Variants in TENM2 observed in about 807,000 individuals in gnomAD.
TENM2 encodes the protein teneurin-2.
Under a neutral mutation model 245.2 loss-of-function variants are expected in TENM2, and 52 were observed. That is an observed-to-expected ratio of 0.21 (90% confidence interval 0.17 to 0.27). The LOEUF (loss-of-function observed/expected upper bound fraction) is 0.27. Ranked by LOEUF, TENM2 falls within the 10% of genes least tolerant of loss-of-function variation. The probability of loss-of-function intolerance (pLI) is 1.00; values close to 1 mark genes in which losing one functional copy is unlikely to be tolerated. For synonymous variants in TENM2, 1,363 were observed against 1,438.9 expected (o/e 0.95, Z 1.19); for missense variants, 3,046 against 3,666.8 (o/e 0.83, Z 4.37).
At chr5:167,873,597 T>C (rs137932383) in intron 2 of TENM2, among the ~76,000 whole-genome samples, 1 of 152,328 alleles carries the variant, frequency 6.6e-6, no homozygotes, top group Non-Finnish European at 1.5e-5. Flanking sequence ...TTAAATTAGA[T>C]AATACATATA....
chr5:167,836,980 C>T (rs768654502), intron 2 of TENM2, among the ~76,000 whole-genome samples: 1 of 151,602 alleles, frequency 6.6e-6, no homozygotes, highest in Non-Finnish European at 1.5e-5. Context: ...TGTCATTTTC[C>T]TGAGTTGGGT....
chr5:167,020,648 G>T, the TENM2 span, among the ~76,000 whole-genome samples: 9 of 152,284 alleles, frequency 5.9e-5, no homozygotes, highest in African/African-American at 2.2e-4. Flanking sequence ...TGGAGGTATA[G>T]GTTTTTATTG....
intron 1 of TENM2, among the ~76,000 whole-genome samples, chr5:167,291,168 C>G (rs1008191604): frequency 3.3e-5 from 5 of 152,194 alleles, no homozygotes. Flanking sequence ...TTCTCCTGCT[C>G]TTTCTCAGTG....
chr5:167,841,457 G>T (rs1210622681), intron 2 of TENM2, among the ~76,000 whole-genome samples: 6 of 152,212 alleles, frequency 3.9e-5, no homozygotes, highest in Non-Finnish European at 7.4e-5. Flanking sequence ...TTTACCCCTT[G>T]TGTATATATA....
chr5:167,157,767 C>A, the TENM2 span, among the ~76,000 whole-genome samples: 1 of 152,222 alleles, frequency 6.6e-6, no homozygotes, highest in South Asian at 2.1e-4. Context: ...TTATAATCCA[C>A]GTTAAAAGTT....
At chr5:167,038,811 A>G in the TENM2 span, among the ~76,000 whole-genome samples, 1 of 152,202 alleles carries the variant, frequency 6.6e-6, no homozygotes, top group African/African-American at 2.4e-5. Context: ...TTTCAGTGAA[A>G]CAGCTTGGAA....
At chr5:167,921,157 A>T (rs1777338953) in intron 3 of TENM2, among the ~76,000 whole-genome samples, 1 of 152,254 alleles carries the variant, frequency 6.6e-6, no homozygotes, top group Non-Finnish European at 1.5e-5. Flanking sequence ...TCTTCATCTT[A>T]TCCGATTGGT....
At chr5:167,458,128 AC>A (rs1405290530) in intron 2 of TENM2, among the ~76,000 whole-genome samples, 2 of 152,144 alleles carry the variant, frequency 1.3e-5, no homozygotes, top group Non-Finnish European at 2.9e-5. Context: ...TTAAAAATAA[AC>A]ATTGTTATAC....
chr5:167,736,112 TC>T (rs1760778563), intron 2 of TENM2, among the ~76,000 whole-genome samples: 1 of 152,046 alleles, frequency 6.6e-6, no homozygotes, highest in Non-Finnish European at 1.5e-5. Context: ...AAACTTACAA[TC>T]ATGGTGGAAG....
the TENM2 span, among the ~76,000 whole-genome samples, chr5:167,145,393 A>G: frequency 6.6e-6 from 1 of 152,196 alleles, no homozygotes; most frequent in East Asian, 1.9e-4. Context: ...TACCAGCTTC[A>G]CAGATAATGT....
At chr5:168,195,213 G>A (rs1228178036) in exon 15 of TENM2, 1 of 1,608,318 alleles carries the variant, frequency 6.2e-7, no homozygotes, top group Non-Finnish European at 8.5e-7. Context: ...AGTAACTACA[G>A]ATGGAACTCC....
At chr5:168,136,288 C>G (rs559367072) in intron 12 of TENM2, among the ~76,000 whole-genome samples, 9 of 152,260 alleles carry the variant, frequency 5.9e-5, no homozygotes, top group African/African-American at 2.2e-4. Context: ...TTGGCTCATC[C>G]CAACTGCAAA....
At chr5:167,269,141 G>C in the TENM2 span, among the ~76,000 whole-genome samples, 2 of 152,042 alleles carry the variant, frequency 1.3e-5, no homozygotes, top group Non-Finnish European at 2.9e-5. Flanking sequence ...CACAAAATTT[G>C]TATGAAAATT....
chr5:167,774,214 G>GAGGA (rs200752272), intron 2 of TENM2, among the ~76,000 whole-genome samples: 54,495 of 111,086 alleles, frequency 0.49, 14,896 homozygotes, highest in East Asian at 0.63. Flanking sequence ...GGGAGGGAGG[G>GAGGA]AGGAAGGAAG....
At chr5:167,004,942 C>T in the TENM2 span, among the ~76,000 whole-genome samples, 1 of 152,098 alleles carries the variant, frequency 6.6e-6, no homozygotes, top group African/African-American at 2.4e-5. Context: ...ACTGACTTTA[C>T]TTTCCAGCTG....
intron 2 of TENM2, among the ~76,000 whole-genome samples, chr5:167,415,741 C>T (rs1002677533): frequency 6.6e-6 from 1 of 151,922 alleles, no homozygotes; most frequent in Non-Finnish European, 1.5e-5. Context: ...TACCAGTAAT[C>T]TCACCCATCT....
At chr5:166,994,154 C>T in the TENM2 span, among the ~76,000 whole-genome samples, 9 of 152,188 alleles carry the variant, frequency 5.9e-5, no homozygotes, top group Admixed American at 2.0e-4. Context: ...ATTTATCACT[C>T]GCTTCCAGAT....
chr5:167,839,553 C>CTGTGTGTGTGTG (rs748719441), intron 2 of TENM2, among the ~76,000 whole-genome samples: 1 of 148,558 alleles, frequency 6.7e-6, no homozygotes, highest in African/African-American at 2.5e-5. Flanking sequence ...TGTGAGGTGT[C>CTGTGTGTGTGTG]TGTGTGTGTG....
the TENM2 span, among the ~76,000 whole-genome samples, chr5:167,067,133 CT>C: frequency 2.6e-5 from 4 of 152,184 alleles, no homozygotes; most frequent in East Asian, 5.8e-4. Flanking sequence ...TAAAATTGGT[CT>C]CGTATTTATT....
Sources: gnomAD v4.1 joint callset for allele counts (sites outside exome capture counted in the v4.1 genomes callset) on GRCh38, gnomAD v4.1.1 for gene constraint, MANE v1.5 for transcripts, NCBI Gene and HGNC (gene_info 2026-07-23, HGNC 2026-07-21) for gene names.